Variants in CASD1 observed in about 807,000 individuals in gnomAD.
The protein encoded by CASD1 is N-acetylneuraminate (7)9-O-acetyltransferase.
Under a neutral mutation model 100.0 loss-of-function variants are expected in CASD1, and 41 were observed. The observed-to-expected ratio is 0.41, with a 90% confidence interval of 0.32 to 0.53. The LOEUF (loss-of-function observed/expected upper bound fraction) is 0.53. Among genes scored for constraint, CASD1 ranks in the 20% least tolerant of loss-of-function variants. The probability of loss-of-function intolerance (pLI) is 0.25; values close to 1 mark genes in which losing one functional copy is unlikely to be tolerated. For synonymous variants in CASD1, 321 were observed against 315.6 expected (o/e 1.02, Z -0.18); for missense variants, 774 against 948.7 (o/e 0.82, Z 2.42).
In CASD1 at chr7:94,534,666, C is replaced by A. The variant is rs552045954; in HGVS notation, c.629-643C>A. ...AAATGCCATGGATATTTTAGCAATT[C>A]ATGTTTTGTGTCAGGAATTCTTATT... On this transcript the variant is annotated intron_variant, in intron 7 of 17. Coordinates refer to ENST00000297273, the MANE Select transcript of CASD1 (RefSeq NM_022900.5). Among the ~76,000 whole-genome samples, 224 of 151,934 alleles carry A rather than the reference C, an allele frequency of 1.5e-3. 1 individual carries two copies. Among genetic ancestry groups the A allele is most frequent in the Non-Finnish European group, 1.3e-3 (85 of 67,984 alleles).
chr7:94,533,951 T>G (rs1794979515), intron 7 of CASD1, 149 bp downstream of exon 7: 6 of 664,686 alleles, frequency 9.0e-6, no homozygotes, highest in Non-Finnish European at 1.4e-5. Flanking sequence ...TTGAGTTATT[T>G]GCTCTCCTTT....
chr7:94,546,444 G>A (rs1795686553), intron 12 of CASD1, among the ~76,000 whole-genome samples: 1 of 151,720 alleles, frequency 6.6e-6, no homozygotes, highest in Non-Finnish European at 1.5e-5. Context: ...CAAATATTAT[G>A]TGTCAAAAAT....
At chr7:94,549,841 A>C (rs1795860213) in intron 14 of CASD1, among the ~76,000 whole-genome samples, 1 of 152,036 alleles carries the variant, frequency 6.6e-6, no homozygotes, top group Non-Finnish European at 1.5e-5. Context: ...TCTGCTGGGA[A>C]ATATTATTTT....
At chr7:94,559,302 G>GTGTGTGTGTGTGTA (rs1346951750), downstream of CASD1, among the ~76,000 whole-genome samples, 173 of 138,282 alleles carry the variant, frequency 1.3e-3, 1 homozygote, top group African/African-American at 4.1e-3. Context: ...GTGTGTGTGT[G>GTGTGTGTGTGTGTA]TGTATGTGTG....
the CASD1 span, among the ~76,000 whole-genome samples, chr7:94,608,659 C>G: frequency 1.3e-5 from 2 of 152,060 alleles, no homozygotes. Context: ...CTGACACTAC[C>G]CAACATCAAG....
intron 15 of CASD1, chr7:94,552,060 A>G (rs1040229320): frequency 1.2e-4 from 33 of 276,262 alleles, no homozygotes; most frequent in Non-Finnish European, 2.1e-4. Context: ...TAAATTTGGG[A>G]TAAAATGTAA....
At position 94,515,075 on chromosome 7, in the gene CASD1, C is replaced by G. The variant is rs900502260; in HGVS notation, c.134-2485C>G. On this transcript the variant is annotated intron_variant, in intron 1 of 17. Transcript: ENST00000297273. The stretch of plus-strand genomic sequence containing the variant: ...TAATAGTAGTAGTAATTTATTATTA[C>G]TACTATTTTTATAATTTTGCTGACA... Among the ~76,000 whole-genome samples the G allele has an allele frequency of 1.6e-4, 24 of 151,766 alleles. 1 individual carries two copies. The highest frequency in any genetic ancestry group is 1.3e-3 in the Admixed American group (20 of 15,254).
chr7:94,543,324 A>G (rs34103048), intron 10 of CASD1, among the ~76,000 whole-genome samples: 1 of 152,148 alleles, frequency 6.6e-6, no homozygotes, highest in Non-Finnish European at 1.5e-5. Flanking sequence ...CTGCTCAATT[A>G]CTGTATTGAG....
chr7:94,527,290 T>C (rs1794622808), intron 4 of CASD1, 84 bp downstream of exon 4: 1 of 1,028,928 alleles, frequency 9.7e-7, no homozygotes, highest in Non-Finnish European at 1.5e-6. Context: ...TATATTTCAA[T>C]GTATTCTTGA....
chr7:94,628,052 T>C, the CASD1 span: 12 of 595,088 alleles, frequency 2.0e-5, no homozygotes, highest in East Asian at 3.3e-4. Context: ...CATTTCCAAA[T>C]GTTATCTACT....
chr7:94,588,767 T>C, the CASD1 span: 1 of 1,613,108 alleles, frequency 6.2e-7, no homozygotes, highest in African/African-American at 1.3e-5. Flanking sequence ...TAAAACTGTT[T>C]GTTTACACAC....
the CASD1 span, chr7:94,588,176 C>A: frequency 1.8e-6 from 2 of 1,089,412 alleles, no homozygotes; most frequent in African/African-American, 1.7e-5. Context: ...ATAGAATAAT[C>A]CAAGGAGAAT....
intron 3 of CASD1, among the ~76,000 whole-genome samples, chr7:94,523,286 CA>C (rs1391048551): frequency 6.6e-6 from 1 of 151,850 alleles, no homozygotes; most frequent in Non-Finnish European, 1.5e-5. Context: ...TAGAAAATCC[CA>C]AAAAATTTAT....
At chr7:94,527,036 G>C in intron 3 of CASD1, 126 bp from the exon 4 acceptor site, 2 of 691,390 alleles carry the variant, frequency 2.9e-6, no homozygotes, top group Non-Finnish European at 4.9e-6. Context: ...ATAGATAATT[G>C]AGATTTGGTG....
the CASD1 span, chr7:94,623,470 T>C: frequency 1.3e-5 from 12 of 940,182 alleles, no homozygotes; most frequent in Middle Eastern, 2.4e-4. Context: ...AGGATTAAAA[T>C]GAAAACAAAT....
the CASD1 span, chr7:94,599,776 A>G: frequency 8.2e-7 from 1 of 1,223,904 alleles, no homozygotes; most frequent in South Asian, 1.2e-5. Context: ...TATTTGGAAC[A>G]TTAAGACTAT....
chr7:94,608,319 G>A, the CASD1 span, among the ~76,000 whole-genome samples: 2 of 152,148 alleles, frequency 1.3e-5, no homozygotes, highest in Admixed American at 1.3e-4. Flanking sequence ...CTGGGCGACA[G>A]AGTACCCTCC....
the CASD1 span, chr7:94,618,761 T>A: frequency 4.3e-6 from 7 of 1,612,948 alleles, no homozygotes; most frequent in South Asian, 7.7e-5. Context: ...TGCTTACCCC[T>A]CCTTCAGGTC....
At chr7:94,574,433 A>C in the CASD1 span, among the ~76,000 whole-genome samples, 1 of 151,994 alleles carries the variant, frequency 6.6e-6, no homozygotes, top group Non-Finnish European at 1.5e-5. Flanking sequence ...TCAGGGAATC[A>C]ATTTCTTTCT....
Sources: allele counts gnomAD v4.1 joint callset (sites outside exome capture counted in the v4.1 genomes callset), GRCh38; gene constraint gnomAD v4.1.1; transcripts MANE v1.5; gene names NCBI Gene and HGNC (gene_info 2026-07-23, HGNC 2026-07-21).